Variants in FHIT observed in about 807,000 individuals in gnomAD.
FHIT encodes the protein fragile histidine triad diadenosine triphosphatase.
FHIT carries 19 observed loss-of-function variants against 17.9 expected under a neutral mutation model. The ratio of observed to expected loss-of-function variants is 1.06; its 90% CI spans 0.74 to 1.56. The LOEUF (loss-of-function observed/expected upper bound fraction) is 1.56. Among genes scored for constraint, FHIT ranks in the 40% most tolerant of loss-of-function variants. The probability of loss-of-function intolerance (pLI) is 0.00; values close to 1 mark genes in which losing one functional copy is unlikely to be tolerated. For missense variants in FHIT, 248 were observed against 189.2 expected (o/e 1.31, Z -1.82); for synonymous variants, 81 against 69.7 (o/e 1.16, Z -0.81).
intron 5 of FHIT, among the ~76,000 whole-genome samples, chr3:60,420,048 A>T (rs1412209762): frequency 6.6e-6 from 1 of 152,152 alleles, no homozygotes; most frequent in African/African-American, 2.4e-5. Flanking sequence ...AGGGGTCTAG[A>T]CAATTCTGAA....
chr3:60,354,918 C>A (rs17606882), intron 5 of FHIT, among the ~76,000 whole-genome samples: 3 of 152,030 alleles, frequency 2.0e-5, no homozygotes, highest in South Asian at 2.1e-4. Context: ...CTTTTCACTC[C>A]GGGAGTCTGT....
At position 60,139,374 on chromosome 3, in the gene FHIT, C is replaced by G. The variant is rs189847221; in HGVS notation, c.104-125222G>C. Among the ~76,000 whole-genome samples, 564 of 92,744 alleles carry G rather than the reference C, an allele frequency of 6.1e-3. 4 individuals are homozygous for G. The highest frequency in any genetic ancestry group is 0.023 in the African/African-American group (532 of 23,148). 60.8% of individuals were successfully genotyped at this position (92,744 alleles called of 152,430 possible). ...ACAGAAACATGACAGACTAATTTAA[C>G]CAGAGAACTAAAAAGGGTTTAGCAC... On this transcript the variant is annotated intron_variant, in intron 5 of 9. Transcript: ENST00000492590.
chr3:60,648,485 T>TG (rs1243218992), intron 4 of FHIT, among the ~76,000 whole-genome samples: 1 of 151,484 alleles, frequency 6.6e-6, no homozygotes, highest in Non-Finnish European at 1.5e-5. Flanking sequence ...GTCTAGGAGT[T>TG]GGGGGTGAAG....
chr3:60,282,466 T>G (rs1484980105), intron 5 of FHIT, among the ~76,000 whole-genome samples: 3 of 152,142 alleles, frequency 2.0e-5, no homozygotes, highest in Admixed American at 2.0e-4. Context: ...CAATGTAGAC[T>G]ATTCTATACG....
intron 3 of FHIT, among the ~76,000 whole-genome samples, chr3:60,878,078 C>T (rs1354384919): frequency 6.6e-6 from 1 of 152,060 alleles, no homozygotes; most frequent in Non-Finnish European, 1.5e-5. Context: ...TGCTCAAACC[C>T]CTAAAACTCT....
chr3:60,147,478 C>G (rs1700289762), intron 5 of FHIT, among the ~76,000 whole-genome samples: 1 of 152,140 alleles, frequency 6.6e-6, no homozygotes, highest in Non-Finnish European at 1.5e-5. Context: ...GCGCTCCCAC[C>G]TCCGCCACCG....
intron 8 of FHIT, among the ~76,000 whole-genome samples, chr3:59,871,184 C>T (rs989969108): frequency 2.6e-5 from 4 of 152,162 alleles, no homozygotes; most frequent in African/African-American, 9.7e-5. Flanking sequence ...GTAGCAAATA[C>T]TATGCCTATA....
At chr3:60,982,506 T>C (rs1163415438) in intron 3 of FHIT, among the ~76,000 whole-genome samples, 2 of 152,216 alleles carry the variant, frequency 1.3e-5, no homozygotes, top group East Asian at 3.8e-4. Flanking sequence ...ATCAGCCTGG[T>C]CTGCTTTCAT....
intron 7 of FHIT, among the ~76,000 whole-genome samples, chr3:60,002,532 G>A (rs552167297): frequency 6.6e-6 from 1 of 152,306 alleles, no homozygotes; most frequent in East Asian, 1.9e-4. Context: ...TAGAAGGAGG[G>A]AAAGGATTCC....
chr3:60,159,865 T>C (rs1215966129), intron 5 of FHIT, among the ~76,000 whole-genome samples: 2 of 152,076 alleles, frequency 1.3e-5, no homozygotes, highest in African/African-American at 4.8e-5. Context: ...ACACATTGCC[T>C]CACACTCAAC....
chr3:59,752,164 A>C, intron 9 of FHIT, 57 bp downstream of exon 9: 1 of 1,235,858 alleles, frequency 8.1e-7, no homozygotes, highest in Non-Finnish European at 1.2e-6. Flanking sequence ...CTGAGAGTGC[A>C]GCCTCTTTCC....
At chr3:61,151,088 T>G (rs1164222989) in intron 2 of FHIT, among the ~76,000 whole-genome samples, 1 of 152,386 alleles carries the variant, frequency 6.6e-6, no homozygotes, top group East Asian at 1.9e-4. Context: ...TTTCTCAGTC[T>G]TACAGTGAAA....
At chr3:60,189,419 C>T (rs1311515368) in intron 5 of FHIT, among the ~76,000 whole-genome samples, 4 of 152,136 alleles carry the variant, frequency 2.6e-5, no homozygotes, top group African/African-American at 9.7e-5. Context: ...TTACTGAAAT[C>T]TTCCCACAAT....
chr3:60,513,914 G>C lies in FHIT; in HGVS notation c.103+22946C>G, dbSNP rs149320576. On this transcript the variant is annotated intron_variant, in intron 5 of 9. Coordinates refer to ENST00000492590, the MANE Select transcript of FHIT (RefSeq NM_002012.4). ...AGAAGAGCAGCAGAGCGGCAGAGCA[G>C]AGAACAGGAGAGAAGAGGAGAGAAG... is the stretch of plus-strand genomic sequence containing the variant. Among the ~76,000 whole-genome samples the C allele has an allele frequency of 1.6e-4, 25 of 152,342 alleles. No homozygotes were observed. The East Asian group carries it at 4.8e-3, about 29-fold the overall frequency.
chr3:60,891,003 C>G (rs1448411388), intron 3 of FHIT, among the ~76,000 whole-genome samples: 4 of 152,182 alleles, frequency 2.6e-5, no homozygotes, highest in African/African-American at 9.7e-5. Context: ...CTCATTAAAG[C>G]TTTTTAATTT....
At chr3:59,852,211 G>C (rs1454675841) in intron 8 of FHIT, among the ~76,000 whole-genome samples, 1 of 152,026 alleles carries the variant, frequency 6.6e-6, no homozygotes, top group Non-Finnish European at 1.5e-5. Context: ...AAACTCTTGG[G>C]TGGTGCTTTG....
chr3:60,540,435 A>G (rs2107605721), intron 4 of FHIT, among the ~76,000 whole-genome samples: 1 of 152,308 alleles, frequency 6.6e-6, no homozygotes, highest in East Asian at 1.9e-4. Context: ...GGTGTCTGAA[A>G]GTCAGGTGAC....
At chr3:60,405,566 C>G (rs1701826020) in intron 5 of FHIT, among the ~76,000 whole-genome samples, 1 of 152,248 alleles carries the variant, frequency 6.6e-6, no homozygotes. Context: ...GCAAGCCAGA[C>G]TTGGCCCAGG....
intron 4 of FHIT, among the ~76,000 whole-genome samples, chr3:60,589,286 C>A (rs149735688): frequency 2.8e-4 from 42 of 152,040 alleles, no homozygotes; most frequent in African/African-American, 9.9e-4. Context: ...CCTTCCAGGC[C>A]CAACCACTTC....
Sources: gnomAD v4.1 joint callset for allele counts (sites outside exome capture counted in the v4.1 genomes callset) on GRCh38, gnomAD v4.1.1 for gene constraint, MANE v1.5 for transcripts, NCBI Gene and HGNC (gene_info 2026-07-23, HGNC 2026-07-21) for gene names.